Variants in NEGR1 observed in about 807,000 individuals in gnomAD.
NEGR1 encodes IgLON family member 4.
In NEGR1, 10 loss-of-function variants were observed where a neutral mutation model predicts 40.9. The ratio of observed to expected loss-of-function variants is 0.24; its 90% confidence interval spans 0.15 to 0.42. The LOEUF (loss-of-function observed/expected upper bound fraction) is 0.42. NEGR1 is among the 10% of genes least tolerant of loss of function. The pLI, the probability that NEGR1 is intolerant of heterozygous loss-of-function variation, is 1.00. For synonymous variants in NEGR1, 185 were observed against 166.8 expected (o/e 1.11, Z -0.84); for missense variants, 352 against 438.9 (o/e 0.80, Z 1.77).
At chr1:71,673,859 C>T (rs1183880405) in intron 4 of NEGR1, among the ~76,000 whole-genome samples, 1 of 151,948 alleles carries the variant, frequency 6.6e-6, no homozygotes, top group Non-Finnish European at 1.5e-5. Flanking sequence ...AAACACAGTT[C>T]TATGGAGCTC....
At chr1:71,693,392 T>C (rs1282740110) in intron 4 of NEGR1, among the ~76,000 whole-genome samples, 2 of 151,674 alleles carry the variant, frequency 1.3e-5, no homozygotes, top group Non-Finnish European at 3.0e-5. Context: ...TCAACAACTA[T>C]TTTTGGACAC....
Position 71,429,642 on chromosome 1 carries a change from C to T in NEGR1, c.941-22072G>A, listed in dbSNP as rs577543874. On this transcript the variant is annotated intron_variant, in intron 6 of 6. Coordinates refer to ENST00000357731, the MANE Select transcript of NEGR1 (RefSeq NM_173808.3). ...CCATCCATACCTCATTGTTCTGCAG[C>T]CAGACAAACAGTGGCAATTAAAACA... is the stretch of plus-strand genomic sequence containing the variant. Among the ~76,000 whole-genome samples, 118 of 152,196 alleles carry T rather than the reference C, an allele frequency of 7.8e-4. 1 individual carries two copies. Among genetic ancestry groups the T allele is most frequent in the Middle Eastern group, 3.4e-3 (1 of 294 alleles).
chr1:72,095,697 T>C (rs959002870), intron 1 of NEGR1, among the ~76,000 whole-genome samples: 6 of 152,160 alleles, frequency 3.9e-5, no homozygotes, highest in East Asian at 1.9e-4. Context: ...TATGTAATTC[T>C]CTATTATTTC....
intron 2 of NEGR1, among the ~76,000 whole-genome samples, chr1:71,907,144 T>G (rs1276954934): frequency 6.6e-6 from 1 of 152,162 alleles, no homozygotes; most frequent in Non-Finnish European, 1.5e-5. Flanking sequence ...AAAATATCAT[T>G]TCAAATTTAG....
chr1:71,914,664 G>C (rs977630171), intron 2 of NEGR1, among the ~76,000 whole-genome samples: 4 of 152,182 alleles, frequency 2.6e-5, no homozygotes, highest in Middle Eastern at 3.2e-3. Flanking sequence ...ACAGTATTCA[G>C]TCCGATGGAA....
chr1:72,067,718 A>G (rs926940210), intron 1 of NEGR1, among the ~76,000 whole-genome samples: 2 of 146,438 alleles, frequency 1.4e-5, no homozygotes, highest in Non-Finnish European at 3.1e-5. Context: ...ATACTGGGGG[A>G]AAAAAAACTG....
At chr1:71,658,931 C>G (rs1158032769) in intron 4 of NEGR1, among the ~76,000 whole-genome samples, 2 of 152,060 alleles carry the variant, frequency 1.3e-5, no homozygotes, top group African/African-American at 4.8e-5. Flanking sequence ...AAAGGAAATA[C>G]TTAAAGGTCT....
chr1:71,843,722 C>G (rs1380470708), intron 2 of NEGR1, among the ~76,000 whole-genome samples: 1 of 152,076 alleles, frequency 6.6e-6, no homozygotes, highest in African/African-American at 2.4e-5. Context: ...AAAGCAAGGA[C>G]TTATGAAAAT....
Position 71,614,092 on chromosome 1 carries a change from C to A in NEGR1, c.668-2946G>T, listed in dbSNP as rs141040731. ...TCTATTTCTCTGTGGTGTTTTTATT[C>A]TTATTATTTATAGTTCTAGAAAACA... On this transcript the variant is annotated intron_variant, in intron 4 of 6. Transcript: ENST00000357731. 2.6e-5 allele frequency among the ~76,000 whole-genome samples: 4 copies of A among 151,748 alleles called. No homozygotes were observed. In the East Asian group the frequency reaches 5.8e-4, roughly 22 times the overall value.
intron 2 of NEGR1, among the ~76,000 whole-genome samples, chr1:71,932,157 C>T (rs1229823076): frequency 8.6e-5 from 13 of 152,016 alleles, no homozygotes; most frequent in Admixed American, 7.9e-4. Flanking sequence ...TAAGTAGTAA[C>T]AGGAGCTATA....
intron 2 of NEGR1, among the ~76,000 whole-genome samples, chr1:71,852,722 G>A (rs978906084): frequency 5.3e-5 from 8 of 151,610 alleles, no homozygotes; most frequent in African/African-American, 1.9e-4. Context: ...CTGGAGGCAA[G>A]TGAACACAAG....
intron 1 of NEGR1, among the ~76,000 whole-genome samples, chr1:72,276,244 C>A (rs1458479631): frequency 6.6e-6 from 1 of 152,042 alleles, no homozygotes; most frequent in Non-Finnish European, 1.5e-5. Context: ...CTACAACAGT[C>A]AAATGGTTCA....
At chr1:71,918,683 CA>C (rs10707382) in intron 2 of NEGR1, among the ~76,000 whole-genome samples, 51,251 of 144,126 alleles carry the variant, frequency 0.36, 9,041 homozygotes, top group East Asian at 0.55. Context: ...TATGCTGTGC[CA>C]AAAAAAAAAA....
intron 6 of NEGR1, among the ~76,000 whole-genome samples, chr1:71,583,307 G>A (rs926611353): frequency 6.6e-6 from 1 of 152,134 alleles, no homozygotes; most frequent in African/African-American, 2.4e-5. Flanking sequence ...ATGGTGATAT[G>A]TGGCAGCCTA....
chr1:71,418,606 C>T (rs1199214188), intron 6 of NEGR1, among the ~76,000 whole-genome samples: 2 of 152,060 alleles, frequency 1.3e-5, no homozygotes, highest in African/African-American at 4.8e-5. Context: ...CTACTTCCTC[C>T]CAATTCTCCC....
At chr1:72,126,134 T>TGTGTGTGTGA (rs1405372516) in intron 1 of NEGR1, among the ~76,000 whole-genome samples, 10 of 136,988 alleles carry the variant, frequency 7.3e-5, no homozygotes, top group South Asian at 4.5e-4. Context: ...TGTGTGTGTG[T>TGTGTGTGTGA]GAAAGACAGA....
chr1:71,667,954 A>G (rs1392329519), intron 4 of NEGR1, among the ~76,000 whole-genome samples: 1 of 152,186 alleles, frequency 6.6e-6, no homozygotes, highest in Non-Finnish European at 1.5e-5. Flanking sequence ...ATACATATGA[A>G]AGTAGCATAT....
At chr1:71,842,713 C>T (rs1659285049) in intron 2 of NEGR1, among the ~76,000 whole-genome samples, 1 of 152,114 alleles carries the variant, frequency 6.6e-6, no homozygotes. Context: ...GTGATTTCCT[C>T]TATTATCAAA....
intron 6 of NEGR1, among the ~76,000 whole-genome samples, chr1:71,567,975 ACT>A (rs1557570023): frequency 3.3e-5 from 5 of 152,232 alleles, no homozygotes; most frequent in African/African-American, 9.6e-5. Flanking sequence ...AGTCTCCAAA[ACT>A]ATAAGAAGTA....
Sources: allele counts gnomAD v4.1 joint callset (sites outside exome capture counted in the v4.1 genomes callset), GRCh38; gene constraint gnomAD v4.1.1; transcripts MANE v1.5; gene names NCBI Gene and HGNC (gene_info 2026-07-23, HGNC 2026-07-21).